DPYD: variants seen among roughly 807,000 people sequenced by gnomAD.
The protein encoded by DPYD is dihydropyrimidine dehydrogenase [NADP(+)].
Under a neutral mutation model 116.2 loss-of-function variants are expected in DPYD, and 109 were observed. That is an observed-to-expected ratio of 0.94 (90% CI 0.80 to 1.10). DPYD has a LOEUF of 1.10. DPYD is among the 50% of genes least tolerant of loss of function. The pLI, the probability that DPYD is intolerant of heterozygous loss-of-function variation, is 0.00. For synonymous variants in DPYD, 440 were observed against 432.0 expected (o/e 1.02, Z -0.23); for missense variants, 1,302 against 1,254.5 (o/e 1.04, Z -0.57).
intron 11 of DPYD, among the ~76,000 whole-genome samples, chr1:97,564,965 T>C (rs768220259): frequency 6.6e-5 from 10 of 152,102 alleles, no homozygotes; most frequent in Non-Finnish European, 1.5e-4. Flanking sequence ...TGTACCTTTC[T>C]CGCCTCTCTC....
chr1:97,275,336 T>C (rs1286932235), intron 18 of DPYD, among the ~76,000 whole-genome samples: 1 of 152,182 alleles, frequency 6.6e-6, no homozygotes, highest in Non-Finnish European at 1.5e-5. Flanking sequence ...ATGGAGCTCC[T>C]ACAGATCTTT....
chr1:97,384,052 G>A (rs1372726283), intron 14 of DPYD, among the ~76,000 whole-genome samples: 1 of 151,882 alleles, frequency 6.6e-6, no homozygotes, highest in East Asian at 1.9e-4. Context: ...AAGGTTACAG[G>A]GAGGTATGAT....
chr1:97,760,105 T>C (rs1241419712), intron 3 of DPYD, among the ~76,000 whole-genome samples: 6 of 152,084 alleles, frequency 3.9e-5, no homozygotes, highest in Admixed American at 6.6e-5. Context: ...GCATAGAATA[T>C]AGAAGTACGT....
chr1:97,882,129 C>T (rs1672257157), intron 2 of DPYD, among the ~76,000 whole-genome samples: 1 of 151,884 alleles, frequency 6.6e-6, no homozygotes, highest in South Asian at 2.1e-4. Flanking sequence ...ATTCCTTGAA[C>T]AATCTGAATC....
At chr1:97,626,290 T>C (rs1571083156) in intron 8 of DPYD, among the ~76,000 whole-genome samples, 1 of 152,028 alleles carries the variant, frequency 6.6e-6, no homozygotes, top group East Asian at 1.9e-4. Flanking sequence ...GAAATGTCAA[T>C]GATATTAACA....
At chr1:97,697,467 T>C (rs1250231091) in intron 6 of DPYD, among the ~76,000 whole-genome samples, 1 of 152,092 alleles carries the variant, frequency 6.6e-6, no homozygotes, top group Non-Finnish European at 1.5e-5. Flanking sequence ...AGGAAAGTTT[T>C]GTGGCTATAA....
intron 5 of DPYD, among the ~76,000 whole-genome samples, chr1:97,716,786 AC>A (rs1268264620): frequency 2.0e-5 from 3 of 152,190 alleles, no homozygotes; most frequent in African/African-American, 7.2e-5. Flanking sequence ...TAAAACATAG[AC>A]CATATTCATC....
At chr1:97,166,085 A>G (rs1200983791) in intron 20 of DPYD, among the ~76,000 whole-genome samples, 1 of 152,190 alleles carries the variant, frequency 6.6e-6, no homozygotes, top group African/African-American at 2.4e-5. Flanking sequence ...GTTTATACCC[A>G]AAAGAATATA....
At chr1:97,816,808 C>A (rs1185128988) in intron 3 of DPYD, among the ~76,000 whole-genome samples, 1 of 151,972 alleles carries the variant, frequency 6.6e-6, no homozygotes, top group African/African-American at 2.4e-5. Flanking sequence ...AAAGAGTAAT[C>A]CAGGAAATGT....
At chr1:97,223,076 T>C (rs747064625) in intron 19 of DPYD, among the ~76,000 whole-genome samples, 6 of 152,026 alleles carry the variant, frequency 3.9e-5, no homozygotes, top group Non-Finnish European at 8.8e-5. Context: ...CAAGAGATAA[T>C]ATGGGTAATG....
At chr1:97,372,522 A>G (rs1382674619) in intron 16 of DPYD, among the ~76,000 whole-genome samples, 1 of 152,166 alleles carries the variant, frequency 6.6e-6, no homozygotes, top group Non-Finnish European at 1.5e-5. Flanking sequence ...ATATATTTGA[A>G]GAATATTTGA....
intron 5 of DPYD, among the ~76,000 whole-genome samples, chr1:97,716,489 C>T (rs1395746789): frequency 6.6e-6 from 1 of 151,964 alleles, no homozygotes; most frequent in Non-Finnish European, 1.5e-5. Context: ...CAAATTCATA[C>T]ATATGATCTT....
chr1:97,549,310 C>T lies in DPYD; in HGVS notation c.1524+250G>A, dbSNP rs577739505. Among the ~76,000 whole-genome samples, 4 of 152,092 alleles carry T rather than the reference C, an allele frequency of 2.6e-5. No individual in the cohort carries two copies. In the East Asian group the frequency reaches 5.8e-4, roughly 22 times the overall value. On this transcript the variant is annotated intron_variant, in intron 12 of 22. Transcript: ENST00000370192. ...TGAACACCGGGCTCAAGCATCCTCCCGCTTCAGCCTCCAAAATTGCTGGGA... is the reference window on the plus strand; with the variant it reads ...TGAACACCGGGCTCAAGCATCCTCCTGCTTCAGCCTCCAAAATTGCTGGGA...
intron 20 of DPYD, among the ~76,000 whole-genome samples, chr1:97,180,144 T>A (rs999231191): frequency 1.3e-5 from 2 of 152,092 alleles, no homozygotes; most frequent in African/African-American, 4.8e-5. Flanking sequence ...TAAATCCCCC[T>A]TTTATTATTC....
chr1:97,912,224 A>G (rs1218376210), intron 1 of DPYD, among the ~76,000 whole-genome samples: 2 of 152,142 alleles, frequency 1.3e-5, no homozygotes, highest in African/African-American at 4.8e-5. Flanking sequence ...AAAATGCACT[A>G]TATATCATTG....
chr1:97,803,762 A>C (rs576764966), intron 3 of DPYD, among the ~76,000 whole-genome samples: 2 of 151,980 alleles, frequency 1.3e-5, no homozygotes, highest in Admixed American at 6.6e-5. Flanking sequence ...CCTGTAAACT[A>C]TGACTTAGGG....
At chr1:97,257,464 A>AGAGAGAGAG (rs1557977908) in intron 18 of DPYD, among the ~76,000 whole-genome samples, 112 of 138,224 alleles carry the variant, frequency 8.1e-4, no homozygotes, top group African/African-American at 2.8e-3. Context: ...GAGAGAGAGA[A>AGAGAGAGAG]AGAGAGAGAG....
intron 14 of DPYD, among the ~76,000 whole-genome samples, chr1:97,429,957 T>G (rs183291599): frequency 2.6e-5 from 4 of 152,246 alleles, no homozygotes; most frequent in Admixed American, 2.6e-4. Context: ...GTGGACAAAC[T>G]GAACACTAGT....
chr1:97,373,332 G>A (rs919328812), intron 16 of DPYD, among the ~76,000 whole-genome samples: 1 of 152,210 alleles, frequency 6.6e-6, no homozygotes, highest in Non-Finnish European at 1.5e-5. Flanking sequence ...ATTACTTCCT[G>A]TCAAGCACAT....
Sources: gnomAD v4.1 joint callset for allele counts (sites outside exome capture counted in the v4.1 genomes callset) on GRCh38, gnomAD v4.1.1 for gene constraint, MANE v1.5 for transcripts, NCBI Gene and HGNC (gene_info 2026-07-23, HGNC 2026-07-21) for gene names.